Variants in SOX5 observed in about 807,000 individuals in gnomAD.
SOX5 encodes transcription factor SOX-5.
A neutral mutation model predicts 92.0 loss-of-function variants in SOX5; 9 were observed. That is an observed-to-expected ratio of 0.10 (90% CI 0.06 to 0.17). SOX5 has a LOEUF of 0.17. SOX5 is among the 10% of genes least tolerant of loss of function. The pLI is 1.00. For missense variants in SOX5, 642 were observed against 944.5 expected, an observed-to-expected ratio of 0.68 and a Z score of 4.20; for synonymous variants, 344 against 336.3, an observed-to-expected ratio of 1.02 and a Z score of -0.25.
chr12:24,432,609 C>G (rs772147686), intron 1 of SOX5, among the ~76,000 whole-genome samples: 2 of 152,040 alleles, frequency 1.3e-5, no homozygotes, highest in African/African-American at 4.8e-5. Flanking sequence ...GTCAGGAGAT[C>G]GAGACCATCC....
intron 4 of SOX5, among the ~76,000 whole-genome samples, chr12:23,750,156 G>A (rs1376928189): frequency 6.6e-6 from 1 of 151,826 alleles, no homozygotes; most frequent in Non-Finnish European, 1.5e-5. Context: ...GGCCTTAAAG[G>A]CAGTGAGAAG....
At chr12:24,141,576 G>A (rs1950586430) in intron 4 of SOX5, among the ~76,000 whole-genome samples, 2 of 152,208 alleles carry the variant, frequency 1.3e-5, no homozygotes, top group Admixed American at 1.3e-4. Flanking sequence ...TCCTTCAGGA[G>A]CCAAATGACG....
At chr12:24,210,017 C>CAAAAAAAAAAAAAAAAAAAAAA (rs1173723179) in intron 4 of SOX5, among the ~76,000 whole-genome samples, 1 of 62,692 alleles carries the variant, frequency 1.6e-5, no homozygotes, top group Non-Finnish European at 2.7e-5. Flanking sequence ...GACTCCGTCT[C>CAAAAAAAAAAAAAAAAAAAAAA]AAAAAAAAAA....
chr12:24,081,291 A>C (rs1264289637), intron 4 of SOX5, among the ~76,000 whole-genome samples: 1 of 151,980 alleles, frequency 6.6e-6, no homozygotes, highest in African/African-American at 2.4e-5. Context: ...ACTCTCCAAG[A>C]CTGTTTTTTA....
In SOX5 at chr12:23,577,192, T is replaced by TATATATATA. The variant is rs1555172432; in HGVS notation, c.1165-1355_1165-1354insTATATATAT. On this transcript the variant is annotated intron_variant, in intron 9 of 14. Transcript: ENST00000451604. ...ACACACACACATATATATATATATA[T>TATATATATA]TTTTTTTTTTTTTTTTTTTTGAGAT... Among the ~76,000 whole-genome samples, 536 of 58,148 alleles carry TATATATATA rather than the reference T, an allele frequency of 9.2e-3. 3 individuals carry two copies. Among genetic ancestry groups the TATATATATA allele is most frequent in the African/African-American group, 0.022 (371 of 16,824 alleles). The allele number at this position is 58,148 out of a possible 152,430, so 38.1% of individuals were successfully genotyped here. A position where few individuals can be genotyped will look rare whatever the true frequency, so the allele number is the denominator to read the frequency against.
chr12:24,393,093 C>A lies in SOX5; in HGVS notation c.-250-24454G>T, dbSNP rs1469447071. Among the ~76,000 whole-genome samples, 1 of 152,130 alleles carries A rather than the reference C, an allele frequency of 6.6e-6. No homozygotes were observed. Among genetic ancestry groups the A allele is most frequent in the Non-Finnish European group, 1.5e-5 (1 of 68,034 alleles). On this transcript the variant is annotated intron_variant, in intron 1 of 4. Coordinates refer to the SOX5 transcript ENST00000446891. This position sits in a 1 kb window ranked among gnomAD's most constrained non-coding sequence, Gnocchi z 5.0. ...ATTTTTTTCTTTTCTATCTCAACCA[C>A]CACTCTCCCAATTATAATAAATGAA...
intron 2 of SOX5, among the ~76,000 whole-genome samples, chr12:24,339,396 G>A (rs1277282424): frequency 6.6e-6 from 1 of 152,100 alleles, no homozygotes; most frequent in Non-Finnish European, 1.5e-5. Context: ...GGTACAACAT[G>A]TGTGTGCAAA....
rs1325387355 is a variant in SOX5 at position 24,415,039 on chromosome 12, C to T, written c.-250-46400G>A. Among the ~76,000 whole-genome samples, 8 of 152,278 alleles carry T rather than the reference C, an allele frequency of 5.3e-5. No individual in the cohort carries two copies. The East Asian group carries it at 1.5e-3, about 29-fold the overall frequency. On this transcript the variant is annotated intron_variant, in intron 1 of 4. Transcript: ENST00000446891. ...ATGTAAAAGCCCCAAAGTGGCAACT[C>T]AAACCAAAACAGAGGATGAAAGCTC...
rs2097456763 is a variant in SOX5 at position 23,919,432 on chromosome 12, CAA to C, written c.39-23410_39-23409del. Among the ~76,000 whole-genome samples, 6 of 152,174 alleles carry C rather than the reference CAA, an allele frequency of 3.9e-5. No homozygotes were observed. The South Asian group carries it at 1.2e-3, about 32-fold the overall frequency. On this transcript the variant is annotated intron_variant, in intron 1 of 14. Coordinates refer to ENST00000451604, the MANE Select transcript of SOX5 (RefSeq NM_006940.6). ...AATACATTCAATATTAGAACTATCTCAAAATATCTTGGTATTTGTTGTCACTT... is the reference window on the plus strand; with the variant it reads ...AATACATTCAATATTAGAACTATCTCAATATCTTGGTATTTGTTGTCACTT...
intron 4 of SOX5, among the ~76,000 whole-genome samples, chr12:24,112,635 A>T (rs901038673): frequency 6.7e-6 from 1 of 148,976 alleles, no homozygotes; most frequent in Non-Finnish European, 1.5e-5. Context: ...AGCTCAAACG[A>T]TCATCCCACT....
intron 1 of SOX5, among the ~76,000 whole-genome samples, chr12:24,406,370 T>C (rs1039687878): frequency 6.7e-6 from 1 of 148,466 alleles, no homozygotes; most frequent in African/African-American, 2.5e-5. Flanking sequence ...CCAAAAGTGA[T>C]CAACTGAGAG....
Position 24,338,044 on chromosome 12 carries a change from G to A in SOX5, c.-174+30519C>T, listed in dbSNP as rs576624987. Among the ~76,000 whole-genome samples, 10 of 152,050 alleles carry A rather than the reference G, an allele frequency of 6.6e-5. No homozygotes were observed. In the South Asian group the frequency reaches 1.9e-3, roughly 28 times the overall value. On this transcript the variant is annotated intron_variant, in intron 2 of 4. Coordinates refer to the SOX5 transcript ENST00000446891. Reference sequence around the variant, plus strand: ...AATATCTTAAAATCATTCAAGAAATGTCAAAGATCTTCCCTTTCTCTGGTT... The same window carrying A: ...AATATCTTAAAATCATTCAAGAAATATCAAAGATCTTCCCTTTCTCTGGTT...
At chr12:24,127,669 A>G (rs1313082901) in intron 4 of SOX5, among the ~76,000 whole-genome samples, 1 of 152,014 alleles carries the variant, frequency 6.6e-6, no homozygotes, top group African/African-American at 2.4e-5. Flanking sequence ...ACATTTTTAA[A>G]CCTTCTTAGT....
At position 24,076,699 on chromosome 12, in the gene SOX5, C is replaced by CTTT. The variant is rs11302877; in HGVS notation, c.-2+136641_-2+136643dup. On this transcript the variant is annotated intron_variant, in intron 4 of 4. Transcript: ENST00000446891. Reference sequence around the variant, plus strand: ...AATACTAAAAAAGATCCAAAGCTGCCTTTTTTTTTTTTTTTTTTTTTGTAA... The same window carrying CTTT: ...AATACTAAAAAAGATCCAAAGCTGCCTTTTTTTTTTTTTTTTTTTTTTTTGTAA... 7.4e-4 allele frequency among the ~76,000 whole-genome samples: 76 copies of CTTT among 102,864 alleles called. 1 individual carries two copies. The highest frequency in any genetic ancestry group is 1.6e-3 in the African/African-American group (45 of 27,506). 67.5% of individuals were successfully genotyped at this position (102,864 alleles called of 152,430 possible).
At chr12:23,776,429 A>G (rs1424276139) in intron 3 of SOX5, among the ~76,000 whole-genome samples, 1 of 152,220 alleles carries the variant, frequency 6.6e-6, no homozygotes, top group Non-Finnish European at 1.5e-5. Flanking sequence ...TTTGAAACAA[A>G]TTAATTTATC....
chr12:24,159,860 T>A (rs534460477), intron 4 of SOX5, among the ~76,000 whole-genome samples: 1 of 152,100 alleles, frequency 6.6e-6, no homozygotes, highest in East Asian at 1.9e-4. Flanking sequence ...CAGAATACAG[T>A]ACTTGGACGA....
intron 1 of SOX5, among the ~76,000 whole-genome samples, chr12:24,441,638 A>C (rs1320282115): frequency 2.6e-5 from 4 of 152,232 alleles, no homozygotes; most frequent in Admixed American, 1.3e-4. Context: ...AAGAATGTTC[A>C]AAGAAAACCA....
chr12:24,486,404 T>G (rs117817542), intron 1 of SOX5, among the ~76,000 whole-genome samples: 2,649 of 152,286 alleles, frequency 0.017, 27 homozygotes, highest in Middle Eastern at 0.034. Context: ...TCTTTCTGAT[T>G]AAAGCCAACT....
intron 3 of SOX5, among the ~76,000 whole-genome samples, chr12:24,254,221 T>C (rs915021400): frequency 6.6e-6 from 1 of 152,040 alleles, no homozygotes; most frequent in African/African-American, 2.4e-5. Context: ...CGGGACATAA[T>C]TTTTAAATAT....
Sources: allele counts gnomAD v4.1 joint callset (sites outside exome capture counted in the v4.1 genomes callset), GRCh38; gene constraint gnomAD v4.1.1; non-coding constraint Gnocchi (gnomAD v3.1); transcripts MANE v1.5; gene names NCBI Gene and HGNC (gene_info 2026-07-23, HGNC 2026-07-21).